LMO3: variants seen among roughly 807,000 people sequenced by gnomAD.
The protein encoded by LMO3 is LIM domain only protein 3.
A neutral mutation model predicts 15.8 loss-of-function variants in LMO3; 2 were observed. The observed-to-expected ratio is 0.13, with a 90% CI of 0.05 to 0.40. The LOEUF (loss-of-function observed/expected upper bound fraction) is 0.40. Among genes scored for constraint, LMO3 ranks in the 10% least tolerant of loss-of-function variants. LMO3 has a pLI of 0.99. For missense variants in LMO3, 86 were observed against 182.2 expected (o/e 0.47, Z 3.04); for synonymous variants, 62 against 63.8 (o/e 0.97, Z 0.13).
intron 2 of LMO3, chr12:16,594,259 A>G (rs1404059907): frequency 6.5e-7 from 1 of 1,527,036 alleles, no homozygotes; most frequent in South Asian, 1.2e-5. Context: ...ACCTCTTCAA[A>G]TGCTTAACAA....
intron 2 of LMO3, among the ~76,000 whole-genome samples, chr12:16,570,452 C>T (rs947162548): frequency 2.6e-5 from 4 of 151,560 alleles, no homozygotes; most frequent in African/African-American, 4.9e-5. Context: ...CTGAAATTTT[C>T]AACAGAAAAG....
Position 16,559,915 on chromosome 12 carries a change from G to A in LMO3, c.332+498C>T, listed in dbSNP as rs925661071. Among the ~76,000 whole-genome samples the A allele has an allele frequency of 6.6e-6, 1 of 152,042 alleles. No homozygotes were observed. The highest frequency in any genetic ancestry group is 1.5e-5 in the Non-Finnish European group (1 of 67,998). Reference sequence around the variant, plus strand: ...AGTTGAGGCTGCATGAGCCATGTTAGTGCCACTGCGCTCTAGGCTGGGTGA... The same window carrying A: ...AGTTGAGGCTGCATGAGCCATGTTAATGCCACTGCGCTCTAGGCTGGGTGA... On this transcript the variant is annotated intron_variant, in intron 3 of 3. Coordinates refer to ENST00000537304, the MANE Select transcript of LMO3 (RefSeq NM_018640.5). The surrounding 1 kb of genome is among the most constrained non-coding windows in gnomAD (Gnocchi z 4.1).
upstream of LMO3, chr12:16,607,456 C>G (rs1291995709): frequency 2.0e-5 from 3 of 150,976 alleles, no homozygotes; most frequent in Middle Eastern, 3.4e-3. Context: ...TAATAGGTCC[C>G]ATTCTCTCTA....
At position 16,598,198 on chromosome 12, in the gene LMO3, T is replaced by C. The variant is rs1432920031; in HGVS notation, c.206+2457A>G. On this transcript the variant is annotated intron_variant, in intron 2 of 3. Coordinates refer to ENST00000537304, the MANE Select transcript of LMO3 (RefSeq NM_018640.5). The surrounding 1 kb of genome is among the most constrained non-coding windows in gnomAD (Gnocchi z 4.3). Reference sequence around the variant, plus strand: ...ATCTACACAATTTCACTGAGACACATGCTTTCCACATAAAACTAAATACCA... The same window carrying C: ...ATCTACACAATTTCACTGAGACACACGCTTTCCACATAAAACTAAATACCA... 1 of 152,070 alleles carries C rather than the reference T, an allele frequency of 6.6e-6. No homozygotes were observed. The highest frequency in any genetic ancestry group is 2.4e-5 in the African/African-American group (1 of 41,444). 9.4% of individuals were successfully genotyped at this position (152,070 alleles called of 1,614,324 possible).
chr12:16,569,291 ACTT>A (rs1942727396), intron 2 of LMO3, among the ~76,000 whole-genome samples: 1 of 152,098 alleles, frequency 6.6e-6, no homozygotes, highest in African/African-American at 2.4e-5. Context: ...TTCTCACTAT[ACTT>A]CTTTGTTTTT....
intron 2 of LMO3, chr12:16,594,015 T>C (rs1186203712): frequency 2.3e-5 from 19 of 814,640 alleles, no homozygotes; most frequent in Non-Finnish European, 9.0e-6. Context: ...TGTAGTTTTA[T>C]AAAAGTTGTC....
intron 2 of LMO3, among the ~76,000 whole-genome samples, chr12:16,572,174 A>G (rs536907952): frequency 6.6e-6 from 1 of 152,062 alleles, no homozygotes; most frequent in African/African-American, 2.4e-5. Context: ...AAATTACCAC[A>G]ACTCTCAATC....
At position 16,550,320 on chromosome 12, in the gene LMO3, A is replaced by G. The variant is rs2137237385; in HGVS notation, c.*902T>C. 1.3e-5 allele frequency: 2 copies of G among 152,574 alleles called. No individual in the cohort carries two copies. Among genetic ancestry groups the G allele is most frequent in the Middle Eastern group, 6.8e-3 (2 of 294 alleles). The allele number at this position is 152,574 out of a possible 1,614,324, so 9.5% of individuals were successfully genotyped here. ...TAATTTATCACTTAAAAATCATCTC[A>G]TAATTGTGGTAACAGATTTTTAAAG... On this transcript the variant is annotated 3_prime_UTR_variant, in exon 4 of 4. Transcript: ENST00000537304.
At chr12:16,602,958 TTTTA>T (rs1353732389) in intron 1 of LMO3, among the ~76,000 whole-genome samples, 3 of 151,996 alleles carry the variant, frequency 2.0e-5, no homozygotes, top group Admixed American at 6.6e-5. Context: ...AGGCTATTAT[TTTTA>T]TTTATCACAA....
At chr12:16,553,059 A>G (rs529487553) in intron 3 of LMO3, among the ~76,000 whole-genome samples, 29 of 152,240 alleles carry the variant, frequency 1.9e-4, no homozygotes, top group South Asian at 1.9e-3. Flanking sequence ...TCTTACCTCA[A>G]TGTTTGAAAC....
At position 16,555,778 on chromosome 12, in the gene LMO3, C is replaced by T. The variant is rs1343327698; in HGVS notation, c.333-4451G>A. 1.3e-5 allele frequency among the ~76,000 whole-genome samples: 2 copies of T among 152,134 alleles called. No individual in the cohort carries two copies. The highest frequency in any genetic ancestry group is 2.4e-5 in the African/African-American group (1 of 41,428). On this transcript the variant is annotated intron_variant, in intron 3 of 3. Transcript: ENST00000537304. The surrounding 1 kb of genome is among the most constrained non-coding windows in gnomAD (Gnocchi z 5.5). ...GCTTTCACATCTGCATGCCTTTGCA[C>T]GTTGCTCAATTTGCCTGAAAATTCC... is the stretch of plus-strand genomic sequence containing the variant.
chr12:16,560,005 TA>T lies in LMO3; in HGVS notation c.332+407del, dbSNP rs1942334668. Among the ~76,000 whole-genome samples, 7 of 152,034 alleles carry T rather than the reference TA, an allele frequency of 4.6e-5. No homozygotes were observed. The South Asian group carries it at 1.5e-3, about 32-fold the overall frequency. On this transcript the variant is annotated intron_variant, in intron 3 of 3. Transcript: ENST00000537304. The surrounding 1 kb of genome is among the most constrained non-coding windows in gnomAD (Gnocchi z 5.0). ...CATGAGGGATAAGGAATTTAAAATATAAAAAATAATAAGAATATAAAATACC... is the reference window on the plus strand; with the variant it reads ...CATGAGGGATAAGGAATTTAAAATATAAAAATAATAAGAATATAAAATACC...
chr12:16,579,047 C>T (rs949130038), intron 2 of LMO3, among the ~76,000 whole-genome samples: 2 of 152,064 alleles, frequency 1.3e-5, no homozygotes, highest in Non-Finnish European at 2.9e-5. Flanking sequence ...AAATAGGTGA[C>T]CTTTTCCAAC....
chr12:16,578,103 A>G (rs992648408), intron 2 of LMO3, among the ~76,000 whole-genome samples: 1 of 152,080 alleles, frequency 6.6e-6, no homozygotes, highest in Non-Finnish European at 1.5e-5. Context: ...ACGGCACCTC[A>G]TCGCCTCCCA....
intron 3 of LMO3, among the ~76,000 whole-genome samples, chr12:16,553,437 C>T (rs1217249279): frequency 6.6e-6 from 1 of 152,086 alleles, no homozygotes; most frequent in African/African-American, 2.4e-5. Context: ...AGTCTGCCTA[C>T]TATTCAATTA....
At position 16,560,361 on chromosome 12, in the gene LMO3, C is replaced by A; in HGVS notation, c.332+52G>T. 1.3e-6 allele frequency: 2 copies of A among 1,562,466 alleles called. No individual in the cohort carries two copies. The highest frequency in any genetic ancestry group is 1.7e-6 in the Non-Finnish European group (2 of 1,153,134). ...TAATTTCCACCTATTAAATAAATAG[C>A]CAGCACAGAGAGGTTAACCATTTCT... On this transcript the variant is annotated intron_variant, in intron 3 of 3. Transcript: ENST00000537304. This position sits in a 1 kb window ranked among gnomAD's most constrained non-coding sequence, Gnocchi z 5.0.
At position 16,551,166 on chromosome 12, in the gene LMO3, C is replaced by CA. The variant is rs1941975891; in HGVS notation, c.*55dup. On this transcript the variant is annotated 3_prime_UTR_variant, in exon 4 of 4. Coordinates refer to ENST00000537304, the MANE Select transcript of LMO3 (RefSeq NM_018640.5). ...TGTCAATTCTTATGTACATGTGGAG[C>CA]AAAAAAGATAAAAGAATGTAGTGCT... The CA allele has an allele frequency of 8.8e-6, 10 of 1,131,802 alleles. No individual in the cohort carries two copies. The highest frequency in any genetic ancestry group is 1.3e-5 in the Non-Finnish European group (10 of 741,880). 70.1% of individuals were successfully genotyped at this position (1,131,802 alleles called of 1,614,324 possible).
chr12:16,590,867 C>G (rs1211663062), intron 2 of LMO3, among the ~76,000 whole-genome samples: 18 of 151,958 alleles, frequency 1.2e-4, no homozygotes, highest in Admixed American at 1.2e-3. Flanking sequence ...AATCCAGAAG[C>G]CTATTTTCAA....
In LMO3 at chr12:16,551,340, T is replaced by C; in HGVS notation, c.333-13A>G. 6.8e-7 allele frequency: 1 copy of C among 1,475,892 alleles called. No individual in the cohort carries two copies. Among genetic ancestry groups the C allele is most frequent in the African/African-American group, 1.4e-5 (1 of 72,318 alleles). The allele number at this position is 1,475,892 out of a possible 1,614,324, so 91.4% of individuals were successfully genotyped here. A position where few individuals can be genotyped will look rare whatever the true frequency, so the allele number is the denominator to read the frequency against. ...TCCAACACAAAATCTGAAAATATTT[T>C]AAACAATAAAATGTGGTTAAGACCA... On this transcript the variant is annotated splice_polypyrimidine_tract_variant and intron_variant, in intron 3 of 3. Transcript: ENST00000537304.
Sources: allele counts gnomAD v4.1 joint callset (sites outside exome capture counted in the v4.1 genomes callset), GRCh38; gene constraint gnomAD v4.1.1; non-coding constraint Gnocchi (gnomAD v3.1); transcripts MANE v1.5; gene names NCBI Gene and HGNC (gene_info 2026-07-23, HGNC 2026-07-21).